BRINP1: variants seen among roughly 807,000 people sequenced by gnomAD.
The protein encoded by BRINP1 is BMP/retinoic acid inducible neural specific 1.
Under a neutral mutation model 72.9 loss-of-function variants are expected in BRINP1, and 17 were observed. The observed-to-expected ratio is 0.23, with a 90% CI of 0.16 to 0.35. The LOEUF (loss-of-function observed/expected upper bound fraction) is 0.35, where lower values mean the gene tolerates loss of function less well. Among genes scored for constraint, BRINP1 ranks in the 10% least tolerant of loss-of-function variants. BRINP1 has a pLI of 1.00. For synonymous variants in BRINP1, 418 were observed against 378.5 expected (o/e 1.10, Z -1.21); for missense variants, 850 against 1,001.6 (o/e 0.85, Z 2.04).
At chr9:119,314,807 C>T (rs190065151) in intron 1 of BRINP1, among the ~76,000 whole-genome samples, 33 of 152,226 alleles carry the variant, frequency 2.2e-4, no homozygotes, top group Non-Finnish European at 4.3e-4. Flanking sequence ...ATAATAGCAC[C>T]TACACTCAGA....
At chr9:119,215,104 C>G (rs903474403) in intron 5 of BRINP1, among the ~76,000 whole-genome samples, 2 of 152,146 alleles carry the variant, frequency 1.3e-5, no homozygotes, top group Admixed American at 1.3e-4. Flanking sequence ...TAACACATCA[C>G]TAGACACAAG....
chr9:119,354,999 A>G (rs942418631), intron 1 of BRINP1, among the ~76,000 whole-genome samples: 10 of 152,230 alleles, frequency 6.6e-5, no homozygotes, highest in Non-Finnish European at 1.2e-4. Context: ...TGGATGAATG[A>G]CTTAGAAATT....
At chr9:119,172,170 A>G (rs1390473418) in intron 7 of BRINP1, among the ~76,000 whole-genome samples, 1 of 152,090 alleles carries the variant, frequency 6.6e-6, no homozygotes. Context: ...CAAAAAACCC[A>G]TCAAAAAGTT....
intron 1 of BRINP1, among the ~76,000 whole-genome samples, chr9:119,349,508 A>G (rs1831482886): frequency 6.6e-6 from 1 of 152,244 alleles, no homozygotes; most frequent in Non-Finnish European, 1.5e-5. Flanking sequence ...GTTACAAGGA[A>G]GATGGATTGG....
chr9:119,341,944 CT>C (rs979139825), intron 1 of BRINP1, among the ~76,000 whole-genome samples: 5 of 151,788 alleles, frequency 3.3e-5, no homozygotes, highest in Admixed American at 1.3e-4. Flanking sequence ...TTTTTTGTAT[CT>C]TTAGTAGAGA....
At position 119,313,248 on chromosome 9, in the gene BRINP1, C is replaced by T. The variant is rs766747970; in HGVS notation, c.108G>A (p.Lys36=). The T allele has an allele frequency of 6.2e-7, 1 of 1,614,142 alleles. No individual in the cohort carries two copies. Among genetic ancestry groups the T allele is most frequent in the East Asian group, 2.2e-5 (1 of 44,864 alleles). The change falls in exon 2 of 8, where the codon AAG becomes AAA. Residue 36 remains lysine, a synonymous_variant. Transcript: ENST00000265922. ...TGTCTGAAATGAGCCAATCAAATTC[C>T]TTGGAGACATGTTGGTCTGTCCCAG... ...EPAGTDQHVS[K]EFDWLISDRG...
chr9:119,198,513 C>A (rs1391602641), intron 7 of BRINP1, among the ~76,000 whole-genome samples: 1 of 152,060 alleles, frequency 6.6e-6, no homozygotes, highest in Non-Finnish European at 1.5e-5. Flanking sequence ...TTCTTAAGTT[C>A]TTTTTTTCTT....
chr9:119,259,049 C>T (rs1327841727), intron 2 of BRINP1, among the ~76,000 whole-genome samples: 1 of 152,176 alleles, frequency 6.6e-6, no homozygotes, highest in African/African-American at 2.4e-5. Context: ...GGAGTCTCCA[C>T]AATGCTCTAC....
At position 119,263,173 on chromosome 9, in the gene BRINP1, C is replaced by T. The variant is rs541344006; in HGVS notation, c.219-14023G>A. 1.2e-4 allele frequency among the ~76,000 whole-genome samples: 19 copies of T among 152,224 alleles called. No individual in the cohort carries two copies. In the East Asian group the frequency reaches 1.4e-3, roughly 11 times the overall value. ...TTATTTTGACGTGAGGTCAGCCACCCGCATCACAATTTGGTGAGAATCCAT... is the reference window on the plus strand; with the variant it reads ...TTATTTTGACGTGAGGTCAGCCACCTGCATCACAATTTGGTGAGAATCCAT... On this transcript the variant is annotated intron_variant, in intron 2 of 7. Transcript: ENST00000265922.
At position 119,335,778 on chromosome 9, in the gene BRINP1, C is replaced by A. The variant is rs1831340238; in HGVS notation, c.-50-22373G>T. Among the ~76,000 whole-genome samples, 5 of 152,322 alleles carry A rather than the reference C, an allele frequency of 3.3e-5. No individual in the cohort carries two copies. In the South Asian group the frequency reaches 1.0e-3, roughly 32 times the overall value. ...CTTCTCTAAATCTAAAATCTGCTTT[C>A]TGTGAGATTATCAACACTTTCCTCA... On this transcript the variant is annotated intron_variant, in intron 1 of 7. Transcript: ENST00000265922.
intron 7 of BRINP1, among the ~76,000 whole-genome samples, chr9:119,202,002 C>G (rs747880513): frequency 5.3e-5 from 8 of 152,040 alleles, no homozygotes; most frequent in Non-Finnish European, 1.0e-4. Flanking sequence ...CAATTTCCAC[C>G]ACTATGCAAT....
chr9:119,306,155 T>C (rs1830995667), intron 2 of BRINP1, among the ~76,000 whole-genome samples: 1 of 152,206 alleles, frequency 6.6e-6, no homozygotes, highest in African/African-American at 2.4e-5. Context: ...AATTGTTCTG[T>C]AGAAATTGTA....
Position 119,288,741 on chromosome 9 carries a change from T to C in BRINP1, c.218+24397A>G, listed in dbSNP as rs567311091. On this transcript the variant is annotated intron_variant, in intron 2 of 7. Transcript: ENST00000265922. The stretch of plus-strand genomic sequence containing the variant: ...TAAAAATATCTGAATTAAATGAAAA[T>C]AGGTGAATGCACCAAAGGAGAGGTT... Among the ~76,000 whole-genome samples, 7 of 152,238 alleles carry C rather than the reference T, an allele frequency of 4.6e-5. No individual in the cohort carries two copies. The East Asian group carries it at 1.2e-3, about 25-fold the overall frequency.
At chr9:119,236,349 C>T (rs1444896417) in intron 5 of BRINP1, among the ~76,000 whole-genome samples, 1 of 152,010 alleles carries the variant, frequency 6.6e-6, no homozygotes, top group Non-Finnish European at 1.5e-5. Flanking sequence ...TTTTGGAGAA[C>T]ATAAGTCTTA....
At chr9:119,268,582 T>G (rs1477213474) in intron 2 of BRINP1, among the ~76,000 whole-genome samples, 1 of 152,174 alleles carries the variant, frequency 6.6e-6, no homozygotes, top group Non-Finnish European at 1.5e-5. Flanking sequence ...AAACTAGACA[T>G]CTTCCTATTA....
chr9:119,285,385 T>C (rs562168989), intron 2 of BRINP1, among the ~76,000 whole-genome samples: 1 of 152,274 alleles, frequency 6.6e-6, no homozygotes, highest in South Asian at 2.1e-4. Context: ...CACTGAGTAA[T>C]TTGATTCAAC....
intron 1 of BRINP1, among the ~76,000 whole-genome samples, chr9:119,348,272 C>T (rs549163871): frequency 1.1e-4 from 16 of 152,270 alleles, no homozygotes; most frequent in African/African-American, 3.9e-4. Flanking sequence ...AAGTTTCCTC[C>T]ATGTTTTCTC....
At position 119,179,054 on chromosome 9, in the gene BRINP1, T is replaced by C. The variant is rs577965512; in HGVS notation, c.1146-10830A>G. The stretch of plus-strand genomic sequence containing the variant: ...TGCTGGGGATCAGGGATAGCAGGGA[T>C]TGCAATCTATAAATACCACTTCCCA... On this transcript the variant is annotated intron_variant, in intron 7 of 7. Transcript: ENST00000265922. 3.9e-5 allele frequency among the ~76,000 whole-genome samples: 6 copies of C among 152,186 alleles called. No homozygotes were observed. The East Asian group carries it at 1.2e-3, about 30-fold the overall frequency.
chr9:119,208,185 G>A (rs1002923230), intron 7 of BRINP1, among the ~76,000 whole-genome samples: 21 of 152,292 alleles, frequency 1.4e-4, no homozygotes, highest in African/African-American at 4.1e-4. Context: ...GGCACTGAAG[G>A]TGACACTCTC....
Sources: allele counts gnomAD v4.1 joint callset (sites outside exome capture counted in the v4.1 genomes callset), GRCh38; gene constraint gnomAD v4.1.1; transcripts MANE v1.5; gene names NCBI Gene and HGNC (gene_info 2026-07-23, HGNC 2026-07-21).